DOCK3: variants seen among roughly 807,000 people sequenced by gnomAD.
The protein encoded by DOCK3 is dedicator of cytokinesis 3.
DOCK3 carries 60 observed loss-of-function variants against 265.6 expected under a neutral mutation model. That is an observed-to-expected ratio of 0.23 (90% CI 0.18 to 0.28). The LOEUF is 0.28. DOCK3 is among the 10% of genes least tolerant of loss of function. The pLI is 1.00. For synonymous variants in DOCK3, 881 were observed against 938.0 expected (o/e 0.94, Z 1.11); for missense variants, 1,981 against 2,594.3 (o/e 0.76, Z 5.14).
chr3:51,353,351 C>A (rs141790658), intron 40 of DOCK3, among the ~76,000 whole-genome samples: 142 of 152,158 alleles, frequency 9.3e-4, no homozygotes, highest in African/African-American at 3.3e-3. Context: ...GTGGCTCATG[C>A]CTGTAATCCG....
chr3:51,064,680 C>A, intron 6 of DOCK3, 84 bp downstream of exon 6: 3 of 1,493,702 alleles, frequency 2.0e-6, no homozygotes, highest in Non-Finnish European at 2.7e-6. Flanking sequence ...TACAAAGCTT[C>A]TCTTTAATGA....
chr3:50,690,475 A>G (rs945646558), intron 1 of DOCK3, among the ~76,000 whole-genome samples: 1 of 152,016 alleles, frequency 6.6e-6, no homozygotes, highest in Non-Finnish European at 1.5e-5. Flanking sequence ...GTATGTTCAC[A>G]TTGTTGTGTA....
At chr3:50,837,474 A>C (rs1475582282) in intron 2 of DOCK3, among the ~76,000 whole-genome samples, 1 of 152,030 alleles carries the variant, frequency 6.6e-6, no homozygotes, top group African/African-American at 2.4e-5. Flanking sequence ...TCCTTATAAA[A>C]CCTTCAGATC....
intron 4 of DOCK3, among the ~76,000 whole-genome samples, chr3:50,913,632 T>C (rs2049973390): frequency 6.6e-6 from 1 of 152,066 alleles, no homozygotes; most frequent in African/African-American, 2.4e-5. Context: ...ACCACTGGAA[T>C]TGTTGATTCC....
chr3:51,235,752 G>A (rs562885214), intron 19 of DOCK3, among the ~76,000 whole-genome samples: 1 of 152,232 alleles, frequency 6.6e-6, no homozygotes, highest in African/African-American at 2.4e-5. Context: ...CTCAGAAATA[G>A]GCACATGTTG....
chr3:50,831,880 C>T (rs1040941068), intron 2 of DOCK3, among the ~76,000 whole-genome samples: 1 of 152,214 alleles, frequency 6.6e-6, no homozygotes, highest in African/African-American at 2.4e-5. Context: ...TCCACATCCT[C>T]TCTAGCATCT....
chr3:50,997,257 G>C lies in DOCK3; in HGVS notation c.315+63180G>C, dbSNP rs1010652981. Among the ~76,000 whole-genome samples the C allele has an allele frequency of 2.0e-5, 3 of 151,944 alleles. No homozygotes were observed. In the South Asian group the frequency reaches 6.2e-4, roughly 32 times the overall value. On this transcript the variant is annotated intron_variant, in intron 5 of 52. Coordinates refer to ENST00000266037, the MANE Select transcript of DOCK3 (RefSeq NM_004947.5). ...ACATAAAAAATGCACAGTATCCATT[G>C]AATAAATGAATTTTTATTGAAGTTA...
intron 2 of DOCK3, among the ~76,000 whole-genome samples, chr3:50,826,099 T>G (rs780950661): frequency 1.1e-4 from 16 of 152,128 alleles, no homozygotes; most frequent in Non-Finnish European, 2.1e-4. Context: ...GGATAGCATA[T>G]TTCTGCAGTA....
At position 51,374,448 on chromosome 3, in the gene DOCK3, ATTGT is replaced by A; in HGVS notation, c.5294-19_5294-16del. On this transcript the variant is annotated splice_polypyrimidine_tract_variant and intron_variant, in intron 49 of 52. Coordinates refer to ENST00000266037, the MANE Select transcript of DOCK3 (RefSeq NM_004947.5). The surrounding 1 kb of genome is among the most constrained non-coding windows in gnomAD (Gnocchi z 4.8). ...ATCTGTGGCTTGTCATCTGTGCTTGATTGTTCTCACTTGGTTACAGGCTCTCCCT... is the reference window on the plus strand; with the variant it reads ...ATCTGTGGCTTGTCATCTGTGCTTGATCTCACTTGGTTACAGGCTCTCCCT... 1 of 1,603,476 alleles carries A rather than the reference ATTGT, an allele frequency of 6.2e-7. No individual in the cohort carries two copies. The highest frequency in any genetic ancestry group is 8.5e-7 in the Non-Finnish European group (1 of 1,174,858).
At chr3:51,333,772 C>A (rs2084684826) in intron 35 of DOCK3, among the ~76,000 whole-genome samples, 1 of 152,020 alleles carries the variant, frequency 6.6e-6, no homozygotes, top group Non-Finnish European at 1.5e-5. Flanking sequence ...TTGGTCGTGG[C>A]CAGAATAGAT....
chr3:50,952,908 G>T (rs537637547), intron 5 of DOCK3, among the ~76,000 whole-genome samples: 1 of 151,942 alleles, frequency 6.6e-6, no homozygotes, highest in South Asian at 2.1e-4. Context: ...GTACATGAAG[G>T]CCCTTTCCTG....
At chr3:50,889,933 T>C (rs1255412956) in intron 3 of DOCK3, 93 bp from the exon 4 acceptor site, 33 of 1,022,926 alleles carry the variant, frequency 3.2e-5, no homozygotes, top group Non-Finnish European at 4.1e-5. Flanking sequence ...ATCTACTATG[T>C]TTCTGTGCTG....
intron 5 of DOCK3, among the ~76,000 whole-genome samples, chr3:51,041,196 ATATATATATTTTTTTTTT>A (rs1251051742): frequency 6.9e-5 from 1 of 14,532 alleles, no homozygotes; most frequent in Non-Finnish European, 1.0e-4. Flanking sequence ...ATATATATAT[ATATATATATTTTTTTTTT>A]TTTTTTTTTT....
rs1424127457 is a variant in DOCK3 at position 51,269,111 on chromosome 3, C to CTG, written c.2356-1703_2356-1702insGT. On this transcript the variant is annotated intron_variant, in intron 23 of 52. Transcript: ENST00000266037. ...GTTTCACAACTCTCTCTCTCTCTCT[C>CTG]TCTCACTGTCTCTCTCTCTCTCTCT... Among the ~76,000 whole-genome samples the CTG allele has an allele frequency of 1.1e-4, 17 of 148,806 alleles. No homozygotes were observed. In the South Asian group the frequency reaches 3.6e-3, roughly 31 times the overall value.
At chr3:51,110,829 A>G (rs542651804) in intron 9 of DOCK3, among the ~76,000 whole-genome samples, 1 of 148,606 alleles carries the variant, frequency 6.7e-6, no homozygotes, top group Non-Finnish European at 1.5e-5. Context: ...AAACCTGACC[A>G]GAGCAATTAG....
At chr3:50,755,752 A>C (rs1052424822) in intron 1 of DOCK3, among the ~76,000 whole-genome samples, 2 of 152,244 alleles carry the variant, frequency 1.3e-5, no homozygotes, top group African/African-American at 4.8e-5. Context: ...ATATAAATGG[A>C]ATCATATAAT....
At chr3:51,360,372 C>A in intron 46 of DOCK3, 139 bp from the exon 47 acceptor site, 1 of 1,142,962 alleles carries the variant, frequency 8.7e-7, no homozygotes, top group Non-Finnish European at 1.2e-6. Flanking sequence ...CAAAGGAAGT[C>A]AGCAGTTCAG....
intron 32 of DOCK3, 96 bp from the exon 33 acceptor site, chr3:51,330,042 A>C (rs1355050561): frequency 8.4e-7 from 1 of 1,190,772 alleles, no homozygotes; most frequent in Admixed American, 2.0e-5. Flanking sequence ...AGGATCAGGA[A>C]GTAGTTTCCC....
chr3:50,976,028 T>G (rs1165888182), intron 5 of DOCK3, among the ~76,000 whole-genome samples: 3 of 151,740 alleles, frequency 2.0e-5, no homozygotes, highest in African/African-American at 7.3e-5. Context: ...TTGATTCTTC[T>G]CTCTTTTTTT....
Sources: allele counts gnomAD v4.1 joint callset (sites outside exome capture counted in the v4.1 genomes callset), GRCh38; gene constraint gnomAD v4.1.1; non-coding constraint Gnocchi (gnomAD v3.1); transcripts MANE v1.5; gene names NCBI Gene and HGNC (gene_info 2026-07-23, HGNC 2026-07-21).